The following FOXP1 variants were observed in gnomAD, a reference collection of about 807,000 sequenced individuals.
FOXP1 encodes the protein forkhead box P1.
A neutral mutation model predicts 98.2 loss-of-function variants in FOXP1; 15 were observed. The observed-to-expected ratio is 0.15, with a 90% CI of 0.10 to 0.24. The LOEUF (loss-of-function observed/expected upper bound fraction) is 0.24. FOXP1 is among the 10% of genes least tolerant of loss of function. The probability of loss-of-function intolerance (pLI) is 1.00; values close to 1 mark genes in which losing one functional copy is unlikely to be tolerated. For synonymous variants in FOXP1, 371 were observed against 314.5 expected, an observed-to-expected ratio of 1.18 and a Z score of -1.90; for missense variants, 633 against 848.5, an observed-to-expected ratio of 0.75 and a Z score of 3.15.
intron 5 of FOXP1, among the ~76,000 whole-genome samples, chr3:71,279,172 C>CAAAAAAA (rs11308828): frequency 2.2e-4 from 15 of 69,766 alleles, no homozygotes; most frequent in African/African-American, 6.2e-4. Flanking sequence ...AACTCCATCT[C>CAAAAAAA]AAAAAAAAAA....
chr3:71,450,685 A>G (rs2108498642), intron 3 of FOXP1, among the ~76,000 whole-genome samples: 1 of 152,322 alleles, frequency 6.6e-6, no homozygotes, highest in African/African-American at 2.4e-5. Context: ...CTGTCTAAAT[A>G]CTGTTTCTTG....
At chr3:71,296,608 GA>G (rs146881438) in intron 5 of FOXP1, 35,579 of 148,680 alleles carry the variant, frequency 0.24, 4,513 homozygotes, top group Non-Finnish European at 0.28. Context: ...TACTGTAAAA[GA>G]AAAAAAAAAG....
Position 71,301,619 on chromosome 3 carries a change from T to C in FOXP1, c.-72-1739A>G, listed in dbSNP as rs1192713027. 2.0e-5 allele frequency among the ~76,000 whole-genome samples: 3 copies of C among 152,234 alleles called. No homozygotes were observed. The East Asian group carries it at 5.8e-4, about 29-fold the overall frequency. ...CTATTGAGCTGTGTCTATTTTTGCA[T>C]GTTTGGCAGTCAGACCTATAGTATT... On this transcript the variant is annotated intron_variant, in intron 4 of 20. Coordinates refer to ENST00000649528, the MANE Select transcript of FOXP1 (RefSeq NM_001349338.3).
chr3:71,523,240 C>T (rs1264535475), intron 2 of FOXP1, among the ~76,000 whole-genome samples: 1 of 152,212 alleles, frequency 6.6e-6, no homozygotes, highest in Non-Finnish European at 1.5e-5. Flanking sequence ...TTCTCCCTCA[C>T]AGCTTTCTGA....
intron 4 of FOXP1, among the ~76,000 whole-genome samples, chr3:71,302,193 G>A (rs2073903197): frequency 6.6e-6 from 1 of 152,066 alleles, no homozygotes; most frequent in African/African-American, 2.4e-5. Context: ...GTTTTGCTGA[G>A]AAAAAGATTA....
chr3:71,141,483 GC>G (rs1270626849), intron 6 of FOXP1, among the ~76,000 whole-genome samples: 1 of 152,088 alleles, frequency 6.6e-6, no homozygotes, highest in Non-Finnish European at 1.5e-5. Context: ...AAACGCTTAA[GC>G]AGTGACCTCA....
intron 4 of FOXP1, among the ~76,000 whole-genome samples, chr3:71,347,094 G>T (rs146151335): frequency 2.0e-5 from 3 of 152,136 alleles, no homozygotes; most frequent in African/African-American, 7.2e-5. Flanking sequence ...GTCCCAGACC[G>T]CATCTTTCTC....
chr3:71,015,721 T>C, intron 11 of FOXP1, 68 bp from the exon 12 acceptor site: 5 of 1,140,246 alleles, frequency 4.4e-6, no homozygotes, highest in Non-Finnish European at 6.6e-6. Context: ...CAGACGAGGA[T>C]AAAAAAGGCA....
chr3:71,102,536 C>T (rs2057055881), intron 7 of FOXP1, among the ~76,000 whole-genome samples: 1 of 152,224 alleles, frequency 6.6e-6, no homozygotes, highest in African/African-American at 2.4e-5. Context: ...TTCTCAATTT[C>T]AACGGCTGCC....
intron 2 of FOXP1, among the ~76,000 whole-genome samples, chr3:71,557,273 T>C (rs1393128108): frequency 6.6e-6 from 1 of 151,946 alleles, no homozygotes; most frequent in Non-Finnish European, 1.5e-5. Flanking sequence ...GTAAGATATA[T>C]GTTTGGATGA....
rs193255136 is a variant in FOXP1 at position 71,347,658 on chromosome 3, G to A, written c.-73+11492C>T. On this transcript the variant is annotated intron_variant, in intron 4 of 20. Coordinates refer to ENST00000649528, the MANE Select transcript of FOXP1 (RefSeq NM_001349338.3). Reference sequence around the variant, plus strand: ...CCCAGCACTTTGGGAAGCCGAGGTGGGTGGATCACCTGAGGTCGGGGGTTC... The same window carrying A: ...CCCAGCACTTTGGGAAGCCGAGGTGAGTGGATCACCTGAGGTCGGGGGTTC... 1.3e-4 allele frequency among the ~76,000 whole-genome samples: 20 copies of A among 152,216 alleles called. 1 individual carries two copies. Among genetic ancestry groups the A allele is most frequent in the African/African-American group, 4.8e-4 (20 of 41,514 alleles).
chr3:71,017,398 T>C (rs2044661468), intron 11 of FOXP1, among the ~76,000 whole-genome samples: 1 of 151,526 alleles, frequency 6.6e-6, no homozygotes, highest in Non-Finnish European at 1.5e-5. Context: ...AAAAGAAAAA[T>C]ATTCCAACTT....
intron 18 of FOXP1, 149 bp downstream of exon 18, chr3:70,972,404 CAG>C: frequency 8.5e-7 from 1 of 1,172,000 alleles, no homozygotes; most frequent in South Asian, 1.2e-5. Context: ...GTATACAAAA[CAG>C]GAGGGATGAA....
chr3:71,173,247 A>G (rs1671237894), intron 6 of FOXP1, among the ~76,000 whole-genome samples: 1 of 152,268 alleles, frequency 6.6e-6, no homozygotes, highest in East Asian at 1.9e-4. Context: ...ATAATCAGCC[A>G]GTAAGATATT....
intron 5 of FOXP1, among the ~76,000 whole-genome samples, chr3:71,280,944 G>A (rs906350329): frequency 1.3e-5 from 2 of 150,396 alleles, no homozygotes; most frequent in Non-Finnish European, 2.9e-5. Context: ...CAGCTTGTTA[G>A]GTGTCATGAA....
intron 11 of FOXP1, among the ~76,000 whole-genome samples, chr3:71,033,327 C>T (rs1371013887): frequency 6.6e-6 from 1 of 152,058 alleles, no homozygotes. Flanking sequence ...CACGGAATAG[C>T]CTGTGGCTGA....
In FOXP1 at chr3:71,331,918, T is replaced by G. The variant is rs539827455; in HGVS notation, c.-73+27232A>C. Among the ~76,000 whole-genome samples, 15 of 152,114 alleles carry G rather than the reference T, an allele frequency of 9.9e-5. No homozygotes were observed. The South Asian group carries it at 3.1e-3, about 32-fold the overall frequency. On this transcript the variant is annotated intron_variant, in intron 4 of 20. Coordinates refer to ENST00000649528, the MANE Select transcript of FOXP1 (RefSeq NM_001349338.3). ...GGAGGTGGAGAACTTTTGTGTCTAG[T>G]TCAGGGATTGTAAATGCACCAATCA...
At chr3:70,976,005 G>A (rs879186768) in intron 17 of FOXP1, among the ~76,000 whole-genome samples, 16 of 150,802 alleles carry the variant, frequency 1.1e-4, no homozygotes, top group Non-Finnish European at 2.2e-4. Flanking sequence ...AATGAAGTTC[G>A]AAATCTACTT....
intron 6 of FOXP1, among the ~76,000 whole-genome samples, chr3:71,154,050 A>G (rs1173232519): frequency 1.3e-5 from 2 of 151,940 alleles, no homozygotes; most frequent in African/African-American, 4.8e-5. Context: ...ATATAACTCT[A>G]TGGAATTTTG....
Sources: allele counts gnomAD v4.1 joint callset (sites outside exome capture counted in the v4.1 genomes callset), GRCh38; gene constraint gnomAD v4.1.1; transcripts MANE v1.5; gene names NCBI Gene and HGNC (gene_info 2026-07-23, HGNC 2026-07-21).